Variants in STX8 observed in about 807,000 individuals in gnomAD.
STX8 encodes the protein syntaxin 8.
A neutral mutation model predicts 37.5 loss-of-function variants in STX8; 23 were observed. That is an observed-to-expected ratio of 0.61 (90% CI 0.44 to 0.87). STX8 has a LOEUF of 0.87. Among genes scored for constraint, STX8 ranks in the 40% least tolerant of loss-of-function variants. STX8 has a pLI of 0.00. For missense variants in STX8, 313 were observed against 284.7 expected (o/e 1.10, Z -0.71); for synonymous variants, 115 against 99.1 (o/e 1.16, Z -0.95).
chr17:9,498,594 G>A (rs918091530), intron 5 of STX8, among the ~76,000 whole-genome samples: 5 of 152,142 alleles, frequency 3.3e-5, no homozygotes, highest in African/African-American at 1.2e-4. Context: ...GACTGCAAGG[G>A]TTCAAAGGTT....
In STX8 at chr17:9,284,665, T is replaced by G. The variant is rs187922189; in HGVS notation, c.644-34020A>C. ...GTCAAGGCAAATGAAACATACTTTT[T>G]GAAATAATCAGGGAAAAAAATAAGT... On this transcript the variant is annotated intron_variant, in intron 7 of 7. Transcript: ENST00000306357. 2.0e-5 allele frequency among the ~76,000 whole-genome samples: 3 copies of G among 152,330 alleles called. No homozygotes were observed. In the East Asian group the frequency reaches 5.8e-4, roughly 29 times the overall value.
chr17:9,274,451 C>T (rs1176937690), intron 7 of STX8, among the ~76,000 whole-genome samples: 2 of 151,704 alleles, frequency 1.3e-5, no homozygotes, highest in Admixed American at 1.3e-4. Context: ...CTGAGGCGGG[C>T]GGATCACAAG....
intron 2 of STX8, among the ~76,000 whole-genome samples, chr17:9,558,600 C>G (rs1257555952): frequency 6.6e-6 from 1 of 152,164 alleles, no homozygotes; most frequent in Non-Finnish European, 1.5e-5. Context: ...CTTTGGGAGG[C>G]CGAGGAGGGT....
chr17:9,430,058 T>G lies in STX8; in HGVS notation c.542-51405A>C, dbSNP rs180908539. Among the ~76,000 whole-genome samples the G allele has an allele frequency of 6.3e-3, 235 of 37,566 alleles. 9 individuals carry two copies. Among genetic ancestry groups the G allele is most frequent in the Non-Finnish European group, 8.7e-3 (167 of 19,138 alleles). The allele number at this position is 37,566 out of a possible 152,430, so 24.6% of individuals were successfully genotyped here. A position where few individuals can be genotyped will look rare whatever the true frequency, so the allele number is the denominator to read the frequency against. ...TTCTATAGAATATATATATTCTATA[T>G]AATATATATATTCTATATAATATAT... is the stretch of plus-strand genomic sequence containing the variant. On this transcript the variant is annotated intron_variant, in intron 6 of 7. Transcript: ENST00000306357.
rs186333274 is a variant in STX8 at position 9,282,746 on chromosome 17, C to A, written c.644-32101G>T. 2.6e-5 allele frequency among the ~76,000 whole-genome samples: 4 copies of A among 152,326 alleles called. No homozygotes were observed. In the East Asian group the frequency reaches 7.7e-4, roughly 29 times the overall value. On this transcript the variant is annotated intron_variant, in intron 7 of 7. Coordinates refer to ENST00000306357, the MANE Select transcript of STX8 (RefSeq NM_004853.3). ...CCTACGAGACACTCCTCTGGCCAAC[C>A]TATATGGCCACAAAGGGCAGAATTG...
chr17:9,567,097 C>T (rs1907490866), intron 2 of STX8, among the ~76,000 whole-genome samples: 1 of 152,130 alleles, frequency 6.6e-6, no homozygotes, highest in Admixed American at 6.6e-5. Flanking sequence ...AGAGAGCTAA[C>T]TGGTGAGAAC....
At chr17:9,265,796 AGT>A (rs1258266027) in intron 7 of STX8, among the ~76,000 whole-genome samples, 3 of 152,174 alleles carry the variant, frequency 2.0e-5, no homozygotes, top group Non-Finnish European at 4.4e-5. Flanking sequence ...CTGACGTCCT[AGT>A]GTGTGTTTGT....
intron 6 of STX8, among the ~76,000 whole-genome samples, chr17:9,472,536 G>A (rs760822211): frequency 6.6e-6 from 1 of 152,248 alleles, no homozygotes; most frequent in African/African-American, 2.4e-5. Context: ...AAAGTGGCAA[G>A]AGGTAGAGCT....
intron 7 of STX8, among the ~76,000 whole-genome samples, chr17:9,367,801 G>A (rs1911273810): frequency 6.6e-6 from 1 of 152,152 alleles, no homozygotes; most frequent in African/African-American, 2.4e-5. Context: ...TAGGATCTCG[G>A]CTCACTGCAA....
At chr17:9,515,492 TTCTCTCTC>T (rs142393139) in intron 4 of STX8, among the ~76,000 whole-genome samples, 2 of 149,736 alleles carry the variant, frequency 1.3e-5, no homozygotes, top group East Asian at 1.9e-4. Flanking sequence ...TTTGAAGTCT[TTCTCTCTC>T]TCTCTCTCTC....
chr17:9,558,896 A>G (rs542988995), intron 2 of STX8, among the ~76,000 whole-genome samples: 4 of 152,256 alleles, frequency 2.6e-5, no homozygotes, highest in South Asian at 4.1e-4. Context: ...TACGAAGAGG[A>G]GTCCACAAAA....
rs375680150 is a variant in STX8, at chr17:9,505,184, A to T, written c.324-22T>A. On this transcript the variant is annotated intron_variant, in intron 4 of 7. Transcript: ENST00000306357. ...GGACCTAAAGAACAATATTAAATGCATGATATATCTCAAAACATGCAGCTC... is the reference window on the plus strand; with the variant it reads ...GGACCTAAAGAACAATATTAAATGCTTGATATATCTCAAAACATGCAGCTC... The T allele has an allele frequency of 3.5e-5, 56 of 1,595,382 alleles. No individual in the cohort carries two copies. The African/African-American group carries it at 7.3e-4, about 21-fold the overall frequency.
intron 7 of STX8, among the ~76,000 whole-genome samples, chr17:9,276,322 C>T (rs1056387891): frequency 2.0e-5 from 3 of 152,092 alleles, no homozygotes; most frequent in Admixed American, 6.6e-5. Context: ...TTAAAGTAAC[C>T]CCATCTTTTT....
At chr17:9,519,000 G>A (rs562033513) in intron 4 of STX8, among the ~76,000 whole-genome samples, 36 of 152,214 alleles carry the variant, frequency 2.4e-4, no homozygotes, top group South Asian at 4.1e-4. Flanking sequence ...GGGGAGGGAC[G>A]TGCTCTCCTT....
At chr17:9,397,343 C>T (rs1567543289) in intron 6 of STX8, among the ~76,000 whole-genome samples, 2 of 152,158 alleles carry the variant, frequency 1.3e-5, no homozygotes, top group Non-Finnish European at 1.5e-5. Flanking sequence ...TTGCAGTAAG[C>T]CGAGATCGTG....
At chr17:9,254,137 C>G (rs1178882053) in intron 7 of STX8, among the ~76,000 whole-genome samples, 1 of 152,186 alleles carries the variant, frequency 6.6e-6, no homozygotes, top group Non-Finnish European at 1.5e-5. Flanking sequence ...GGGTCTTGCA[C>G]AGTCTGACCC....
At chr17:9,274,822 C>A (rs1907614402) in intron 7 of STX8, among the ~76,000 whole-genome samples, 1 of 131,804 alleles carries the variant, frequency 7.6e-6, no homozygotes. Context: ...GTGATCTCAG[C>A]TCACTGCAAC....
intron 4 of STX8, among the ~76,000 whole-genome samples, chr17:9,531,089 G>C (rs1373217806): frequency 6.6e-6 from 1 of 152,224 alleles, no homozygotes; most frequent in Non-Finnish European, 1.5e-5. Context: ...TAAATCAGGT[G>C]ACAATATATG....
chr17:9,560,713 A>G (rs1239927031), intron 2 of STX8, among the ~76,000 whole-genome samples: 6 of 151,304 alleles, frequency 4.0e-5, no homozygotes, highest in African/African-American at 1.2e-4. Flanking sequence ...CTTTTATTGC[A>G]GAAGAGGTGA....
Sources: gnomAD v4.1 joint callset for allele counts (sites outside exome capture counted in the v4.1 genomes callset) on GRCh38, gnomAD v4.1.1 for gene constraint, MANE v1.5 for transcripts, NCBI Gene and HGNC (gene_info 2026-07-23, HGNC 2026-07-21) for gene names.